Variants in CACNA2D1 observed in about 807,000 individuals in gnomAD.
The protein encoded by CACNA2D1 is calcium voltage-gated channel auxiliary subunit alpha2delta 1.
In CACNA2D1, 53 loss-of-function variants were observed where a neutral mutation model predicts 171.5. The observed-to-expected ratio is 0.31, with a 90% CI of 0.25 to 0.39. The LOEUF is 0.39. CACNA2D1 is among the 10% of genes least tolerant of loss of function. The probability of loss-of-function intolerance (pLI) is 1.00; values close to 1 mark genes in which losing one functional copy is unlikely to be tolerated. For synonymous variants in CACNA2D1, 442 were observed against 443.1 expected (o/e 1.00, Z 0.03); for missense variants, 903 against 1,299.8 (o/e 0.69, Z 4.69).
At chr7:82,420,993 G>T (rs1563529516) in intron 1 of CACNA2D1, among the ~76,000 whole-genome samples, 1 of 151,812 alleles carries the variant, frequency 6.6e-6, no homozygotes, top group African/African-American at 2.4e-5. Flanking sequence ...CTAACACACG[G>T]GTATTCAGGT....
At chr7:82,056,821 C>A (rs1013027579) in intron 10 of CACNA2D1, among the ~76,000 whole-genome samples, 1 of 152,142 alleles carries the variant, frequency 6.6e-6, no homozygotes, top group Non-Finnish European at 1.5e-5. Context: ...CATCAAGTAT[C>A]ACTAATCCTC....
intron 10 of CACNA2D1, among the ~76,000 whole-genome samples, chr7:82,047,855 T>C (rs1226558608): frequency 1.3e-5 from 2 of 152,034 alleles, no homozygotes; most frequent in African/African-American, 2.4e-5. Flanking sequence ...AACGAAGTGG[T>C]TGAATAACTA....
At chr7:82,041,645 A>T (rs1412041212) in intron 10 of CACNA2D1, among the ~76,000 whole-genome samples, 1 of 152,202 alleles carries the variant, frequency 6.6e-6, no homozygotes, top group African/African-American at 2.4e-5. Context: ...TATAAATTCA[A>T]ATATTGAAAA....
At chr7:82,396,662 T>A (rs1196433773) in intron 1 of CACNA2D1, among the ~76,000 whole-genome samples, 2 of 152,234 alleles carry the variant, frequency 1.3e-5, no homozygotes, top group Non-Finnish European at 2.9e-5. Flanking sequence ...AAGCTCATTA[T>A]TATCTTGAAG....
At chr7:82,229,851 T>A (rs980537204) in intron 3 of CACNA2D1, among the ~76,000 whole-genome samples, 2 of 152,064 alleles carry the variant, frequency 1.3e-5, no homozygotes, top group African/African-American at 4.8e-5. Flanking sequence ...TTTGAGTCTC[T>A]ACCAAATGCA....
At chr7:82,079,441 C>T (rs1809415851) in intron 7 of CACNA2D1, among the ~76,000 whole-genome samples, 1 of 152,048 alleles carries the variant, frequency 6.6e-6, no homozygotes, top group African/African-American at 2.4e-5. Flanking sequence ...CCTGTAATCC[C>T]AGCACTTTGG....
At chr7:82,109,488 T>A (rs1788122054) in intron 6 of CACNA2D1, among the ~76,000 whole-genome samples, 2 of 152,344 alleles carry the variant, frequency 1.3e-5, no homozygotes, top group East Asian at 1.9e-4. Context: ...GTAAGTCATG[T>A]CCTGTTAGAC....
intron 3 of CACNA2D1, among the ~76,000 whole-genome samples, chr7:82,205,095 T>A (rs1172229211): frequency 1.3e-5 from 2 of 152,136 alleles, no homozygotes; most frequent in African/African-American, 4.8e-5. Flanking sequence ...CTCACTTGCA[T>A]CCAGAGAAAG....
chr7:81,958,104 A>G (rs1441798612), intron 38 of CACNA2D1, among the ~76,000 whole-genome samples: 1 of 141,718 alleles, frequency 7.1e-6, no homozygotes, highest in Non-Finnish European at 1.5e-5. Context: ...TCTTAAAAAG[A>G]AAAAAAAAAC....
chr7:82,406,386 A>C (rs2129453129), intron 1 of CACNA2D1, among the ~76,000 whole-genome samples: 1 of 152,316 alleles, frequency 6.6e-6, no homozygotes. Flanking sequence ...AGCATGATTT[A>C]TAATCCTTTG....
chr7:82,433,611 A>C (rs1157317318), intron 1 of CACNA2D1, among the ~76,000 whole-genome samples: 2 of 152,170 alleles, frequency 1.3e-5, no homozygotes, highest in East Asian at 1.9e-4. Context: ...ACCTGCCTCT[A>C]TCAGAACATT....
At chr7:82,205,428 C>T (rs955593906) in intron 3 of CACNA2D1, among the ~76,000 whole-genome samples, 1 of 152,030 alleles carries the variant, frequency 6.6e-6, no homozygotes, top group Non-Finnish European at 1.5e-5. Context: ...TACTCCCTTC[C>T]AGCTAAGTAT....
intron 19 of CACNA2D1, among the ~76,000 whole-genome samples, chr7:81,995,615 A>G (rs1001325366): frequency 2.6e-5 from 4 of 152,052 alleles, no homozygotes; most frequent in Non-Finnish European, 5.9e-5. Flanking sequence ...CCCAGCCAGA[A>G]TGATGAAACC....
intron 3 of CACNA2D1, among the ~76,000 whole-genome samples, chr7:82,184,042 T>C (rs1797413087): frequency 6.6e-6 from 1 of 151,946 alleles, no homozygotes; most frequent in Non-Finnish European, 1.5e-5. Context: ...TTGAGTTTAA[T>C]TAACTTGCAC....
At chr7:82,308,359 G>A (rs1230155369) in intron 3 of CACNA2D1, among the ~76,000 whole-genome samples, 2 of 152,260 alleles carry the variant, frequency 1.3e-5, no homozygotes, top group Non-Finnish European at 1.5e-5. Flanking sequence ...TTCTAGGAAC[G>A]CTGATATGCC....
intron 3 of CACNA2D1, among the ~76,000 whole-genome samples, chr7:82,192,024 T>C (rs1309014927): frequency 6.6e-6 from 1 of 151,804 alleles, no homozygotes; most frequent in Non-Finnish European, 1.5e-5. Flanking sequence ...TTTTCACAAA[T>C]TCATGCATCT....
In CACNA2D1 at chr7:81,950,148, G is replaced by A. The variant is rs575156119; in HGVS notation, c.*244C>T. 52 of 587,382 alleles carry A rather than the reference G, an allele frequency of 8.9e-5. No homozygotes were observed. Among genetic ancestry groups the A allele is most frequent in the African/African-American group, 8.0e-4 (43 of 53,668 alleles). The allele number at this position is 587,382 out of a possible 1,614,324, so 36.4% of individuals were successfully genotyped here. Reference sequence around the variant, plus strand: ...TCCCAAATTTTCCAATAGAGGACACGTATAGGATTTTGCTTTGATGTTACA... The same window carrying A: ...TCCCAAATTTTCCAATAGAGGACACATATAGGATTTTGCTTTGATGTTACA... On this transcript the variant is annotated 3_prime_UTR_variant, in exon 39 of 39. Coordinates refer to ENST00000356860, the MANE Select transcript of CACNA2D1 (RefSeq NM_000722.4).
chr7:82,092,810 C>T (rs17155824), intron 6 of CACNA2D1, among the ~76,000 whole-genome samples: 3,657 of 151,712 alleles, frequency 0.024, 131 homozygotes, highest in African/African-American at 0.079. Context: ...GCCTGCTAAA[C>T]TCTCGGTAAA....
chr7:82,094,431 A>G (rs1811619933), intron 6 of CACNA2D1, among the ~76,000 whole-genome samples: 1 of 152,172 alleles, frequency 6.6e-6, no homozygotes, highest in Non-Finnish European at 1.5e-5. Flanking sequence ...AGAACATTAC[A>G]TGTTTTACGT....
Sources: allele counts gnomAD v4.1 joint callset (sites outside exome capture counted in the v4.1 genomes callset), GRCh38; gene constraint gnomAD v4.1.1; transcripts MANE v1.5; gene names NCBI Gene and HGNC (gene_info 2026-07-23, HGNC 2026-07-21).